The following EML5 variants were observed in gnomAD, a reference collection of about 807,000 sequenced individuals.
EML5 encodes echinoderm microtubule-associated protein-like 5.
A neutral mutation model predicts 250.0 loss-of-function variants in EML5; 120 were observed. The ratio of observed to expected loss-of-function variants is 0.48; its 90% CI spans 0.41 to 0.56. The LOEUF (loss-of-function observed/expected upper bound fraction) is 0.56, where lower values mean the gene tolerates loss of function less well. EML5 is among the 20% of genes least tolerant of loss of function. The probability of loss-of-function intolerance (pLI) is 0.00; values close to 1 mark genes in which losing one functional copy is unlikely to be tolerated. For missense variants in EML5, 2,006 were observed against 2,437.6 expected (o/e 0.82, Z 3.73); for synonymous variants, 771 against 806.5 (o/e 0.96, Z 0.75).
At chr14:88,669,263 A>G (rs899931215) in intron 21 of EML5, among the ~76,000 whole-genome samples, 6 of 152,304 alleles carry the variant, frequency 3.9e-5, no homozygotes, top group African/African-American at 1.4e-4. Context: ...ACTTAGCTAC[A>G]GACTGCCGAA....
At chr14:88,749,415 T>C (rs763380425) in intron 2 of EML5, among the ~76,000 whole-genome samples, 7 of 152,118 alleles carry the variant, frequency 4.6e-5, no homozygotes, top group African/African-American at 1.4e-4. Flanking sequence ...TCAGTAAACC[T>C]GCACTACAAG....
chr14:88,662,820 A>G (rs1347800246), intron 24 of EML5, among the ~76,000 whole-genome samples: 1 of 152,170 alleles, frequency 6.6e-6, no homozygotes, highest in Non-Finnish European at 1.5e-5. Flanking sequence ...TTGGGATTAC[A>G]GGCGTGAGCC....
chr14:88,636,455 G>C (rs1054904775), intron 32 of EML5, among the ~76,000 whole-genome samples: 1 of 152,176 alleles, frequency 6.6e-6, no homozygotes, highest in African/African-American at 2.4e-5. Flanking sequence ...AAGGTCAAGA[G>C]ATCAAGACCA....
chr14:88,773,080 T>C (rs976959320), intron 1 of EML5, among the ~76,000 whole-genome samples: 12 of 152,228 alleles, frequency 7.9e-5, no homozygotes, highest in Admixed American at 3.3e-4. Context: ...TGTTACAAGG[T>C]AGGCACTATG....
intron 1 of EML5, among the ~76,000 whole-genome samples, chr14:88,775,840 C>T (rs2094441921): frequency 6.6e-6 from 1 of 150,884 alleles, no homozygotes; most frequent in African/African-American, 2.4e-5. Flanking sequence ...TCTGACCCAG[C>T]ACCATCATAG....
intron 10 of EML5, 125 bp from the exon 11 acceptor site, chr14:88,706,551 C>A (rs956982557): frequency 1.4e-6 from 1 of 724,324 alleles, no homozygotes; most frequent in Non-Finnish European, 2.0e-6. Flanking sequence ...GGGAAAAATG[C>A]TGACTCAAAA....
intron 32 of EML5, among the ~76,000 whole-genome samples, chr14:88,635,096 A>G (rs914679979): frequency 6.6e-6 from 1 of 152,224 alleles, no homozygotes; most frequent in Non-Finnish European, 1.5e-5. Context: ...CATGCTCATT[A>G]TATTTGTGGT....
intron 21 of EML5, among the ~76,000 whole-genome samples, chr14:88,665,751 GTAAA>G (rs1276660970): frequency 1.3e-5 from 2 of 152,028 alleles, no homozygotes; most frequent in African/African-American, 2.4e-5. Context: ...AGGTAAGTAA[GTAAA>G]TAAATAGACA....
At chr14:88,619,688 TTTTTTTTTTGAGACG>T (rs1225002294) in intron 39 of EML5, 3 of 152,110 alleles carry the variant, frequency 2.0e-5, no homozygotes, top group Non-Finnish European at 4.4e-5. Flanking sequence ...AAGAAGAATT[TTTTTTTTTTGAGACG>T]AAGTCTCGCT....
rs1364969176 is a variant in EML5, at chr14:88,618,235, A to G, written c.5635T>C (p.Trp1879Arg). 6.2e-7 allele frequency: 1 copy of G among 1,613,538 alleles called. No individual in the cohort carries two copies. The highest frequency in any genetic ancestry group is 2.2e-5 in the East Asian group (1 of 44,868). The change falls in exon 41 of 44, where the codon TGG becomes CGG. Residue 1879 changes from tryptophan (W) to arginine (R), a missense_variant. This residue lies in a region of EML5 where 405 missense variants were observed against 523.3 expected (regional missense o/e 0.77). Coordinates refer to ENST00000554922, the MANE Select transcript of EML5 (RefSeq NM_183387.3). ...GAATATATAAGTATTTACCTAGTCCATGTAGCCCAAGTAATTCTGTCAATA... is the reference window on the plus strand; with the variant it reads ...GAATATATAAGTATTTACCTAGTCCGTGTAGCCCAAGTAATTCTGTCAATA... ...AAIDRITWATWTSILGDEVLG... is the reference protein window; with the variant it reads ...AAIDRITWATRTSILGDEVLG...
chr14:88,702,249 G>C (rs914205899), intron 14 of EML5, among the ~76,000 whole-genome samples, 197 bp downstream of exon 14: 1 of 151,838 alleles, frequency 6.6e-6, no homozygotes, highest in Non-Finnish European at 1.5e-5. Flanking sequence ...AAAATAATAT[G>C]AATTAAAATA....
intron 2 of EML5, among the ~76,000 whole-genome samples, chr14:88,749,930 A>G (rs2094066429): frequency 6.6e-6 from 1 of 152,180 alleles, no homozygotes. Context: ...GGTTTAGAGC[A>G]GGGGTCAGCA....
intron 1 of EML5, among the ~76,000 whole-genome samples, chr14:88,790,285 T>C (rs770568209): frequency 2.0e-5 from 3 of 152,244 alleles, no homozygotes; most frequent in Non-Finnish European, 4.4e-5. Context: ...CTTATTTTCA[T>C]TGTTATACAT....
At chr14:88,771,266 G>A (rs941496747) in intron 1 of EML5, among the ~76,000 whole-genome samples, 2 of 152,200 alleles carry the variant, frequency 1.3e-5, no homozygotes, top group African/African-American at 4.8e-5. Flanking sequence ...CCTTGCAGCA[G>A]ATAAGCCTGT....
At chr14:88,708,103 T>C (rs1237531695) in intron 10 of EML5, among the ~76,000 whole-genome samples, 1 of 152,184 alleles carries the variant, frequency 6.6e-6, no homozygotes. Context: ...AAAGACCCTC[T>C]TGGATAAACC....
Position 88,723,385 on chromosome 14 carries a change from T to C in EML5, c.1187+3156A>G, listed in dbSNP as rs75863798. On this transcript the variant is annotated intron_variant, in intron 8 of 43. Coordinates refer to ENST00000554922, the MANE Select transcript of EML5 (RefSeq NM_183387.3). ...CAGATACTGCATGATCTTGCTTATA[T>C]GTGGAATCTAAAAAAGTCAAACATA... 2.9e-3 allele frequency among the ~76,000 whole-genome samples: 435 copies of C among 152,290 alleles called. 3 individuals carry two copies. Among genetic ancestry groups the C allele is most frequent in the African/African-American group, 9.6e-3 (397 of 41,552 alleles).
Position 88,686,580 on chromosome 14 carries a change from G to C in EML5, c.2854+636C>G, listed in dbSNP as rs2092837730. ...CATGCCTGTAATTTCAGTGCTTCGG[G>C]AGGCCAAGTTTAGAGGATCATTTGA... On this transcript the variant is annotated intron_variant, in intron 19 of 43. Coordinates refer to ENST00000554922, the MANE Select transcript of EML5 (RefSeq NM_183387.3). Among the ~76,000 whole-genome samples the C allele has an allele frequency of 6.6e-5, 10 of 151,958 alleles. No homozygotes were observed. In the South Asian group the frequency reaches 2.1e-3, roughly 32 times the overall value.
At chr14:88,779,199 T>C (rs1283398096) in intron 1 of EML5, among the ~76,000 whole-genome samples, 1 of 152,166 alleles carries the variant, frequency 6.6e-6, no homozygotes, top group Non-Finnish European at 1.5e-5. Flanking sequence ...GGATATTTGT[T>C]ACCATACCAA....
In EML5 at chr14:88,664,275, C is replaced by CAA. The variant is rs35920066; in HGVS notation, c.3409+216_3409+217dup. 8.9e-3 allele frequency among the ~76,000 whole-genome samples: 936 copies of CAA among 105,634 alleles called. 21 individuals carry two copies. The highest frequency in any genetic ancestry group is 0.025 in the African/African-American group (808 of 32,020). The allele number at this position is 105,634 out of a possible 152,430, so 69.3% of individuals were successfully genotyped here. On this transcript the variant is annotated intron_variant, in intron 23 of 43. Transcript: ENST00000554922. ...CTGGGTGACAGAGTGAGACCTGTCT[C>CAA]AAAAAAAAAAAAAAAGAAAAGAAAA...
Sources: gnomAD v4.1 joint callset for allele counts (sites outside exome capture counted in the v4.1 genomes callset) on GRCh38, gnomAD v4.1.1 for gene constraint, gnomAD v4.1.1 regional missense constraint, MANE v1.5 for transcripts, NCBI Gene and HGNC (gene_info 2026-07-23, HGNC 2026-07-21) for gene names.